CPXM2: variants seen among roughly 807,000 people sequenced by gnomAD.
CPXM2 encodes the protein carboxypeptidase X, M14 family member 2.
A neutral mutation model predicts 86.1 loss-of-function variants in CPXM2; 66 were observed. The ratio of observed to expected loss-of-function variants is 0.77; its 90% confidence interval spans 0.63 to 0.94. The LOEUF is 0.94. Among genes scored for constraint, CPXM2 ranks in the 40% least tolerant of loss-of-function variants. The pLI is 0.00. For missense variants in CPXM2, 948 were observed against 1,026.3 expected (o/e 0.92, Z 1.04); for synonymous variants, 388 against 400.2 (o/e 0.97, Z 0.36).
At chr10:123,800,443 C>G (rs542407647) in intron 4 of CPXM2, among the ~76,000 whole-genome samples, 37 of 152,282 alleles carry the variant, frequency 2.4e-4, no homozygotes, top group African/African-American at 7.9e-4. Flanking sequence ...AAGAAAAGCA[C>G]CTCGGCAACA....
At position 123,756,528 on chromosome 10, in the gene CPXM2, G is replaced by A. The variant is rs551733524; in HGVS notation, c.1917+685C>T. 2.0e-5 allele frequency among the ~76,000 whole-genome samples: 3 copies of A among 152,316 alleles called. No homozygotes were observed. In the South Asian group the frequency reaches 6.2e-4, roughly 32 times the overall value. ...TCATTCACCTCTGCCACCTGCAACA[G>A]TGACTCTGAAGGCCTGGGAGGGTGT... On this transcript the variant is annotated intron_variant, in intron 12 of 13. Transcript: ENST00000241305.
intron 6 of CPXM2, 33 bp downstream of exon 6, chr10:123,797,943 C>T: frequency 6.5e-7 from 1 of 1,534,214 alleles, no homozygotes; most frequent in Non-Finnish European, 8.8e-7. Context: ...TCAGTGCTCC[C>T]ACCCTGCAGG....
intron 4 of CPXM2, among the ~76,000 whole-genome samples, chr10:123,822,299 C>T (rs1343250947): frequency 3.9e-5 from 6 of 152,160 alleles, no homozygotes; most frequent in African/African-American, 1.4e-4. Context: ...CTCATACTAG[C>T]ATATAAGCCA....
chr10:123,877,326 T>C (rs1197846720), intron 2 of CPXM2, among the ~76,000 whole-genome samples: 1 of 152,232 alleles, frequency 6.6e-6, no homozygotes, highest in African/African-American at 2.4e-5. Flanking sequence ...AAGGTCATGC[T>C]TTATCTTCAT....
intron 3 of CPXM2, among the ~76,000 whole-genome samples, chr10:123,859,875 A>G (rs1387606755): frequency 2.0e-5 from 3 of 152,178 alleles, no homozygotes; most frequent in Non-Finnish European, 4.4e-5. Context: ...CGAAGTGAGG[A>G]CAGCCTCGCC....
intron 3 of CPXM2, among the ~76,000 whole-genome samples, chr10:123,857,642 C>T (rs35080992): frequency 0.013 from 1,182 of 88,258 alleles, 36 homozygotes; most frequent in Middle Eastern, 0.02. Flanking sequence ...AGATGGAAGG[C>T]GGCGTGGAGA....
chr10:123,842,177 C>A (rs76411003), intron 4 of CPXM2, among the ~76,000 whole-genome samples, 172 bp downstream of exon 4: 207 of 152,346 alleles, frequency 1.4e-3, no homozygotes, highest in Non-Finnish European at 2.5e-3. Flanking sequence ...ACCATCCCCC[C>A]CAGGAGAATG....
upstream of CPXM2, chr10:123,892,120 G>A (rs991495484): frequency 1.3e-5 from 2 of 152,376 alleles, no homozygotes; most frequent in African/African-American, 4.8e-5. Flanking sequence ...CCTGAGAGAA[G>A]AAAAGATTGG....
intron 3 of CPXM2, 93 bp from the exon 4 acceptor site, chr10:123,842,581 G>C: frequency 2.4e-6 from 3 of 1,270,926 alleles, no homozygotes; most frequent in Non-Finnish European, 3.3e-6. Flanking sequence ...AAGGGAGGGA[G>C]GATAGGAGAA....
chr10:123,937,418 G>T (rs566670716), intron 2 of CPXM2, among the ~76,000 whole-genome samples: 2 of 150,274 alleles, frequency 1.3e-5, no homozygotes, highest in East Asian at 3.9e-4. Context: ...ATGTCCATCA[G>T]CCAACAGGCA....
At chr10:123,817,437 C>T (rs1050525986) in intron 4 of CPXM2, among the ~76,000 whole-genome samples, 3 of 152,178 alleles carry the variant, frequency 2.0e-5, no homozygotes, top group Non-Finnish European at 4.4e-5. Flanking sequence ...TTTTGAGAGA[C>T]AGCACTTGGC....
chr10:123,875,125 G>T (rs1944960061), intron 2 of CPXM2, among the ~76,000 whole-genome samples: 1 of 152,160 alleles, frequency 6.6e-6, no homozygotes, highest in African/African-American at 2.4e-5. Context: ...CAAACCCAGT[G>T]AAGGCCCTGC....
chr10:123,808,185 G>A (rs572529334), intron 4 of CPXM2, among the ~76,000 whole-genome samples: 1 of 152,290 alleles, frequency 6.6e-6, no homozygotes, highest in East Asian at 1.9e-4. Context: ...ACTATATGAT[G>A]CTAATATGGT....
At chr10:123,843,975 T>G (rs1048050824) in intron 3 of CPXM2, among the ~76,000 whole-genome samples, 1 of 152,220 alleles carries the variant, frequency 6.6e-6, no homozygotes, top group African/African-American at 2.4e-5. Context: ...TTGTTTCTGC[T>G]GCCAATCTCA....
At chr10:123,829,099 G>T (rs1848107264) in intron 4 of CPXM2, among the ~76,000 whole-genome samples, 2 of 152,136 alleles carry the variant, frequency 1.3e-5, no homozygotes, top group Non-Finnish European at 2.9e-5. Flanking sequence ...TATCTAGATG[G>T]CAAATAAGCA....
rs1313231904 is a variant in CPXM2, at chr10:123,754,412, C to T, written c.2017+251G>A. Among the ~76,000 whole-genome samples the T allele has an allele frequency of 6.6e-6, 1 of 152,180 alleles. No homozygotes were observed. Among genetic ancestry groups the T allele is most frequent in the Non-Finnish European group, 1.5e-5 (1 of 68,032 alleles). ...GCTTCCTCAACTCCTTAGAAACTTC[C>T]ACTGTGCCTGGAGGCCAGCTGGTGG... On this transcript the variant is annotated intron_variant, in intron 13 of 13. Transcript: ENST00000241305. This position sits in a 1 kb window ranked among gnomAD's most constrained non-coding sequence, Gnocchi z 4.0.
chr10:123,747,617 A>T (rs1340238058), intron 13 of CPXM2, among the ~76,000 whole-genome samples: 1 of 152,082 alleles, frequency 6.6e-6, no homozygotes, highest in African/African-American at 2.4e-5. Context: ...AGACCACATG[A>T]GACCCATGCT....
chr10:123,810,553 A>G (rs1847667474), intron 4 of CPXM2, among the ~76,000 whole-genome samples: 1 of 152,136 alleles, frequency 6.6e-6, no homozygotes, highest in African/African-American at 2.4e-5. Context: ...GCTGGACATA[A>G]GCCAATACAC....
chr10:123,922,943 C>T (rs543009687), intron 2 of CPXM2, among the ~76,000 whole-genome samples: 13 of 152,198 alleles, frequency 8.5e-5, no homozygotes, highest in South Asian at 6.2e-4. Flanking sequence ...ACACCTTAAA[C>T]GAGTGAACAG....
Sources: allele counts gnomAD v4.1 joint callset (sites outside exome capture counted in the v4.1 genomes callset), GRCh38; gene constraint gnomAD v4.1.1; non-coding constraint Gnocchi (gnomAD v3.1); transcripts MANE v1.5; gene names NCBI Gene and HGNC (gene_info 2026-07-23, HGNC 2026-07-21).